The following CRTC3 variants were observed in gnomAD, a reference collection of about 807,000 sequenced individuals.
CRTC3 encodes CREB-regulated transcription coactivator 3.
A neutral mutation model predicts 74.5 loss-of-function variants in CRTC3; 26 were observed. The observed-to-expected ratio is 0.35, with a 90% confidence interval of 0.26 to 0.48. The LOEUF is 0.48. Ranked by LOEUF, CRTC3 falls within the 20% of genes least tolerant of loss-of-function variation. The pLI, the probability that CRTC3 is intolerant of heterozygous loss-of-function variation, is 0.99. For synonymous variants in CRTC3, 377 were observed against 325.8 expected (o/e 1.16, Z -1.69); for missense variants, 760 against 787.3 (o/e 0.97, Z 0.41).
At chr15:90,531,339 G>T (rs1220021469) in intron 1 of CRTC3, among the ~76,000 whole-genome samples, 1 of 152,054 alleles carries the variant, frequency 6.6e-6, no homozygotes, top group Non-Finnish European at 1.5e-5. Flanking sequence ...GCTGGAGCTG[G>T]GTGATGATGA....
chr15:90,583,755 G>A (rs1022406404), intron 2 of CRTC3, among the ~76,000 whole-genome samples: 1 of 152,178 alleles, frequency 6.6e-6, no homozygotes, highest in Non-Finnish European at 1.5e-5. Flanking sequence ...GAAGAGTGTT[G>A]GGGGCTGCTG....
At chr15:90,555,774 C>G (rs1284132216) in intron 2 of CRTC3, among the ~76,000 whole-genome samples, 1 of 152,128 alleles carries the variant, frequency 6.6e-6, no homozygotes, top group Non-Finnish European at 1.5e-5. Context: ...GCCTTGGCCT[C>G]CCCAAAGTGC....
intron 2 of CRTC3, among the ~76,000 whole-genome samples, chr15:90,572,892 A>T (rs965456747): frequency 5.3e-5 from 8 of 152,132 alleles, no homozygotes; most frequent in South Asian, 2.1e-4. Context: ...TCCATTTTTT[A>T]AAAAAACTGT....
rs76153019 is a variant in CRTC3 at position 90,569,282 on chromosome 15, G to A, written c.232-24354G>A. On this transcript the variant is annotated intron_variant, in intron 2 of 14. Coordinates refer to ENST00000268184, the MANE Select transcript of CRTC3 (RefSeq NM_022769.5). The stretch of plus-strand genomic sequence containing the variant: ...GCCTCCCAAAGTGCTAGGATTATAG[G>A]CATGAGCCACCATACATGGCCTGTA... Among the ~76,000 whole-genome samples the A allele has an allele frequency of 8.6e-3, 1,290 of 149,308 alleles. 40 individuals carry two copies. The East Asian group carries it at 0.11, about 13-fold the overall frequency.
At chr15:90,592,837 C>CGGCT (rs1234194874) in intron 2 of CRTC3, among the ~76,000 whole-genome samples, 1 of 152,122 alleles carries the variant, frequency 6.6e-6, no homozygotes, top group African/African-American at 2.4e-5. Flanking sequence ...GAGATGAGTG[C>CGGCT]GGCTCATTGT....
In CRTC3 at chr15:90,628,222, AAAT is replaced by A. The variant is rs1018430137; in HGVS notation, c.968-998_968-996del. On this transcript the variant is annotated intron_variant, in intron 10 of 14. Transcript: ENST00000268184. ...ACAGAGCGAGACTCTGTCTCAAAAA[AAAT>A]AATAATAATAATAGTGATAATAATA... Among the ~76,000 whole-genome samples the A allele has an allele frequency of 3.0e-3, 448 of 151,494 alleles. 5 individuals carry two copies. The highest frequency in any genetic ancestry group is 0.01 in the African/African-American group (413 of 41,258).
At chr15:90,564,904 ACCTTCCTT>A (rs71154112) in intron 2 of CRTC3, among the ~76,000 whole-genome samples, 7,836 of 146,278 alleles carry the variant, frequency 0.054, 288 homozygotes, top group African/African-American at 0.1. Flanking sequence ...AATTTAACCA[ACCTTCCTT>A]CCTTCCTTCC....
At chr15:90,539,981 A>G (rs1966777152) in intron 1 of CRTC3, 58 bp from the exon 2 acceptor site, 3 of 1,134,580 alleles carry the variant, frequency 2.6e-6, no homozygotes, top group African/African-American at 1.5e-5. Context: ...CTATACTTTG[A>G]TGCTTCTTTA....
In CRTC3 at chr15:90,644,266, C is replaced by T. The variant is rs1969551340; in HGVS notation, c.*2126C>T. The T allele has an allele frequency of 4.4e-6, 1 of 229,282 alleles. No homozygotes were observed. The highest frequency in any genetic ancestry group is 8.6e-6 in the Non-Finnish European group (1 of 115,692). The allele number at this position is 229,282 out of a possible 1,614,324, so 14.2% of individuals were successfully genotyped here. On this transcript the variant is annotated 3_prime_UTR_variant, in exon 15 of 15. Coordinates refer to ENST00000268184, the MANE Select transcript of CRTC3 (RefSeq NM_022769.5). Reference sequence around the variant, plus strand: ...CTTCAGTCGCAATGCTACCCAGCACCCCATGTGCCAAAAGAAACCAGCTCC... The same window carrying T: ...CTTCAGTCGCAATGCTACCCAGCACTCCATGTGCCAAAAGAAACCAGCTCC...
chr15:90,635,142 TA>T, intron 11 of CRTC3: 1 of 594,108 alleles, frequency 1.7e-6, no homozygotes, highest in South Asian at 1.9e-5. Context: ...AAACTAATGA[TA>T]ACTAATGACA....
In CRTC3 at chr15:90,629,657, G is replaced by A; in HGVS notation, c.1266+125G>A. ...ACACCAAGCACCCATGAGGTCTCAA[G>A]TGCAGTCTGTTCGCTCTTATATGTG... On this transcript the variant is annotated intron_variant, in intron 11 of 14. Coordinates refer to ENST00000268184, the MANE Select transcript of CRTC3 (RefSeq NM_022769.5). 3.5e-6 allele frequency: 3 copies of A among 845,270 alleles called. No individual in the cohort carries two copies. The East Asian group carries it at 7.9e-5, about 22-fold the overall frequency. The allele number at this position is 845,270 out of a possible 1,614,324, so 52.4% of individuals were successfully genotyped here.
chr15:90,629,276 T>A lies in CRTC3; in HGVS notation c.1010T>A (p.Leu337His). Residue 337 changes from leucine (L) to histidine (H), a missense_variant, in exon 11 of 15, where the codon CTC becomes CAC. Physicochemically the swap from Leu to His is moderately conservative, Grantham distance 99. Coordinates refer to ENST00000268184, the MANE Select transcript of CRTC3 (RefSeq NM_022769.5). ...AGTAACCCCTCCATCCAAGCCACGC[T>A]CAATAAGACTGTGCTTTCCTCTTCC... ...SRSNPSIQATLNKTVLSSSLN... is the reference protein window; with the variant it reads ...SRSNPSIQATHNKTVLSSSLN... The A allele has an allele frequency of 1.2e-6, 2 of 1,614,202 alleles. No individual in the cohort carries two copies. Among genetic ancestry groups the A allele is most frequent in the Non-Finnish European group, 1.7e-6 (2 of 1,180,020 alleles).
In CRTC3 at chr15:90,629,220, T is replaced by G. The variant is rs756846938; in HGVS notation, c.968-14T>G. ...CTGAAATTATAAGTAACTTGTGAAT[T>G]TGTTGTCTTCCAGGTCTCCAGAGTT... On this transcript the variant is annotated splice_polypyrimidine_tract_variant and intron_variant, in intron 10 of 14. Coordinates refer to ENST00000268184, the MANE Select transcript of CRTC3 (RefSeq NM_022769.5). 1.6e-5 allele frequency: 25 copies of G among 1,600,608 alleles called. No individual in the cohort carries two copies. Among genetic ancestry groups the G allele is most frequent in the Non-Finnish European group, 3.4e-6 (4 of 1,171,456 alleles).
intron 2 of CRTC3, among the ~76,000 whole-genome samples, chr15:90,562,844 A>G (rs1967042131): frequency 1.3e-5 from 2 of 152,048 alleles, no homozygotes; most frequent in South Asian, 4.2e-4. Context: ...AAGCCAGACC[A>G]GCCGCAAGCA....
chr15:90,621,357 C>G (rs916878927), intron 9 of CRTC3, among the ~76,000 whole-genome samples: 31 of 144,884 alleles, frequency 2.1e-4, no homozygotes, highest in African/African-American at 7.9e-4. Context: ...GAGTATCGCT[C>G]TGTCGCTCAG....
rs1317921414 is a variant in CRTC3 at position 90,645,043 on chromosome 15, CTGTATATTACCTGAGCTGG to C, written c.*2907_*2925del. On this transcript the variant is annotated 3_prime_UTR_variant, in exon 15 of 15. Transcript: ENST00000268184. ...TCCTGTTTCATTTCTCCTCCGCCTGCTGTATATTACCTGAGCTGGTGTTGTATCTTCAAGTCCATATGCG... is the reference window on the plus strand; with the variant it reads ...TCCTGTTTCATTTCTCCTCCGCCTGCTGTTGTATCTTCAAGTCCATATGCG... The C allele has an allele frequency of 1.3e-5, 3 of 231,564 alleles. No homozygotes were observed. Among genetic ancestry groups the C allele is most frequent in the African/African-American group, 6.6e-5 (3 of 45,212 alleles). The allele number at this position is 231,564 out of a possible 1,614,324, so 14.3% of individuals were successfully genotyped here.
chr15:90,545,771 G>A (rs529991350), intron 2 of CRTC3, among the ~76,000 whole-genome samples: 4 of 152,022 alleles, frequency 2.6e-5, no homozygotes, highest in Non-Finnish European at 5.9e-5. Flanking sequence ...GTAGAGACGG[G>A]GTTTCACTGT....
intron 1 of CRTC3, among the ~76,000 whole-genome samples, chr15:90,532,170 A>G (rs1390261209): frequency 6.6e-6 from 1 of 152,234 alleles, no homozygotes; most frequent in Non-Finnish European, 1.5e-5. Flanking sequence ...GCCAGTTACC[A>G]GTAAAGTAAC....
At chr15:90,586,840 ATTGT>A (rs1202890420) in intron 2 of CRTC3, among the ~76,000 whole-genome samples, 8 of 152,226 alleles carry the variant, frequency 5.3e-5, no homozygotes, top group African/African-American at 1.9e-4. Context: ...GTATGTCTTG[ATTGT>A]TCACACATAA....
Sources: allele counts gnomAD v4.1 joint callset (sites outside exome capture counted in the v4.1 genomes callset), GRCh38; gene constraint gnomAD v4.1.1; transcripts MANE v1.5; gene names NCBI Gene and HGNC (gene_info 2026-07-23, HGNC 2026-07-21).